The following NOTCH2 variants were observed in gnomAD, a reference collection of about 807,000 sequenced individuals.
NOTCH2 encodes the protein notch receptor 2.
Under a neutral mutation model 235.8 loss-of-function variants are expected in NOTCH2, and 29 were observed. The ratio of observed to expected loss-of-function variants is 0.12; its 90% CI spans 0.09 to 0.17. The LOEUF is 0.17. Ranked by LOEUF, NOTCH2 falls within the 10% of genes least tolerant of loss-of-function variation. The pLI is 1.00. For synonymous variants in NOTCH2, 1,086 were observed against 1,141.5 expected (o/e 0.95, Z 0.98); for missense variants, 2,285 against 3,150.2 (o/e 0.73, Z 6.57).
chr1:119,941,005 T>G (rs1228591785), intron 18 of NOTCH2, among the ~76,000 whole-genome samples: 1 of 152,254 alleles, frequency 6.6e-6, no homozygotes, highest in Non-Finnish European at 1.5e-5. Context: ...AATGAAGTTT[T>G]CTAGGTTTTA....
At chr1:119,983,194 G>T (rs1055856143) in intron 5 of NOTCH2, among the ~76,000 whole-genome samples, 4 of 151,496 alleles carry the variant, frequency 2.6e-5, no homozygotes, top group Admixed American at 2.6e-4. Context: ...TTTTCCATAT[G>T]AAGTTCTTTT....
Position 119,996,977 on chromosome 1 carries a change from G to C in NOTCH2, c.751+20C>G, listed in dbSNP as rs782191666. The C allele has an allele frequency of 2.2e-5, 36 of 1,610,080 alleles. No individual in the cohort carries two copies. Among genetic ancestry groups the C allele is most frequent in the Non-Finnish European group, 3.1e-5 (36 of 1,176,884 alleles). On this transcript the variant is annotated intron_variant, in intron 4 of 33. Transcript: ENST00000256646. The stretch of plus-strand genomic sequence containing the variant: ...CTAGGGGTTTGTCCCCTAATCCTGG[G>C]ACACTAGGGAGCTCCTTACCTGGAA...
At chr1:119,936,015 T>C (rs1485176735) in intron 21 of NOTCH2, among the ~76,000 whole-genome samples, 1 of 152,180 alleles carries the variant, frequency 6.6e-6, no homozygotes, top group East Asian at 1.9e-4. Context: ...CATGCAATTA[T>C]TGATCTCCAG....
rs141855931 is a variant in NOTCH2, at chr1:119,930,703, C to T, written c.3656-1491G>A. 1.2e-3 allele frequency among the ~76,000 whole-genome samples: 186 copies of T among 150,590 alleles called. 2 individuals are homozygous for T. In the East Asian group the frequency reaches 0.028, roughly 23 times the overall value. On this transcript the variant is annotated intron_variant, in intron 22 of 33. Transcript: ENST00000256646. ...CTGAGGCAGGAGAATCACTTGAAAC[C>T]GGGAGATGAAGCTTGCAGTGAGCCG...
At chr1:119,923,599 AT>A (rs1270503349) in intron 26 of NOTCH2, 37 bp downstream of exon 26, 13 of 1,559,878 alleles carry the variant, frequency 8.3e-6, no homozygotes, top group African/African-American at 2.7e-5. Context: ...GCTAGGCTTC[AT>A]AAAATTAGCC....
chr1:119,965,438 T>G lies in NOTCH2; in HGVS notation c.1681+15A>C. Reference sequence around the variant, plus strand: ...ATGGACCTACCAAGGAGATGAAAAGTGAGAAGAATCTTACCTGTGGCACAC... The same window carrying G: ...ATGGACCTACCAAGGAGATGAAAAGGGAGAAGAATCTTACCTGTGGCACAC... On this transcript the variant is annotated intron_variant, in intron 10 of 33. Transcript: ENST00000256646. 7 of 1,593,028 alleles carry G rather than the reference T, an allele frequency of 4.4e-6. No individual in the cohort carries two copies. The highest frequency in any genetic ancestry group is 6.0e-6 in the Non-Finnish European group (7 of 1,160,826).
intron 5 of NOTCH2, among the ~76,000 whole-genome samples, chr1:119,986,594 G>A (rs1352326311): frequency 6.6e-6 from 1 of 152,142 alleles, no homozygotes; most frequent in Non-Finnish European, 1.5e-5. Flanking sequence ...ATTTATTTTA[G>A]CATTTCAGGA....
Position 119,926,553 on chromosome 1 carries a change from C to T in NOTCH2, c.3951G>A (p.Gly1317=). 1 of 1,609,922 alleles carries T rather than the reference C, an allele frequency of 6.2e-7. No individual in the cohort carries two copies. The highest frequency in any genetic ancestry group is 8.5e-7 in the Non-Finnish European group (1 of 1,177,850). ...GCATGTTACTGGCCACAGCACAAGT[C>T]CCTCCATTCAGGCAGGGCATCTGGG... ...VCPQMPCLNG[G]TCAVASNMPD... Residue 1317 remains glycine, a synonymous_variant, in exon 24 of 34, where the codon GGG becomes GGA. Coordinates refer to ENST00000256646, the MANE Select transcript of NOTCH2 (RefSeq NM_024408.4).
intron 1 of NOTCH2, among the ~76,000 whole-genome samples, chr1:120,038,478 A>AGATAAGTAGATATCTAC: frequency 7.6e-6 from 1 of 131,936 alleles, no homozygotes; most frequent in Non-Finnish European, 1.5e-5. Flanking sequence ...AAGTAGATGT[A>AGATAAGTAGATATCTAC]TTATAAGTGC....
At position 119,923,827 on chromosome 1, in the gene NOTCH2, G is replaced by T. The variant is rs754438664; in HGVS notation, c.4669C>A (p.Gln1557Lys). 9 of 1,614,056 alleles carry T rather than the reference G, an allele frequency of 5.6e-6. No homozygotes were observed. The highest frequency in any genetic ancestry group is 7.6e-6 in the Non-Finnish European group (9 of 1,180,056). Residue 1557 changes from glutamine to lysine, a missense_variant, in exon 26 of 34, where the codon CAA becomes AAA. Coordinates refer to ENST00000256646, the MANE Select transcript of NOTCH2 (RefSeq NM_024408.4). ...AAGCTGCGAGCATCCTGGAGCAGTT[G>T]TTCAGGTGGCATCAATACCACAATA... ...LVIVVLMPPE[Q>K]LLQDARSFLR...
chr1:119,916,224 G>A lies in NOTCH2; in HGVS notation c.6498C>T (p.Ser2166=), dbSNP rs763659337. The A allele has an allele frequency of 1.9e-6, 3 of 1,614,238 alleles. No homozygotes were observed. In the South Asian group the frequency reaches 3.3e-5, roughly 18 times the overall value. ...TCCCAGGGGATGTAATCATTGGAGA[G>A]GATGTGGTGTCGGAAACATACGTGT... The part of the protein sequence containing the change: ...SPHTYVSDTT[S]SPMITSPGIL... The change falls in exon 34 of 34, where the codon TCC becomes TCT. Residue 2166 remains serine (S), a synonymous_variant. Coordinates refer to ENST00000256646, the MANE Select transcript of NOTCH2 (RefSeq NM_024408.4).
intron 30 of NOTCH2, among the ~76,000 whole-genome samples, 181 bp from the exon 31 acceptor site, chr1:119,919,794 A>T (rs927677289): frequency 6.6e-6 from 1 of 152,188 alleles, no homozygotes; most frequent in Non-Finnish European, 1.5e-5. Flanking sequence ...CATTTCTGTA[A>T]AGAATAATGG....
At chr1:119,925,161 C>T (rs1285645270) in intron 25 of NOTCH2, 144 bp downstream of exon 25, 3 of 959,140 alleles carry the variant, frequency 3.1e-6, no homozygotes, top group Non-Finnish European at 1.7e-6. Context: ...GAGCACAGGG[C>T]AGTGTGCGAT....
intron 2 of NOTCH2, among the ~76,000 whole-genome samples, chr1:120,009,708 T>C (rs1653108983): frequency 6.7e-6 from 1 of 149,366 alleles, no homozygotes; most frequent in Non-Finnish European, 1.5e-5. Flanking sequence ...ATAGGGAGAA[T>C]TGCTAACCAC....
At chr1:119,957,629 C>G (rs1395754452) in intron 12 of NOTCH2, among the ~76,000 whole-genome samples, 1 of 152,172 alleles carries the variant, frequency 6.6e-6, no homozygotes, top group Non-Finnish European at 1.5e-5. Context: ...GCAACAGTTC[C>G]ATGAACAGGG....
chr1:119,963,083 G>A (rs782663898), intron 11 of NOTCH2, among the ~76,000 whole-genome samples: 1 of 151,844 alleles, frequency 6.6e-6, no homozygotes. Flanking sequence ...GGCCCCACCA[G>A]AGACAAGTGA....
At position 119,969,753 on chromosome 1, in the gene NOTCH2, G is replaced by C. The variant is rs1324363153; in HGVS notation, c.875-9C>G. On this transcript the variant is annotated splice_polypyrimidine_tract_variant and intron_variant, in intron 5 of 33. Transcript: ENST00000256646. ...CTCTGTGCAGAACTGTCCTTTTAGG[G>C]GGAAATTACTTTTGATTAGGGCTCT... 15 of 1,612,654 alleles carry C rather than the reference G, an allele frequency of 9.3e-6. No individual in the cohort carries two copies. The African/African-American group carries it at 2.0e-4, about 22-fold the overall frequency.
rs1177540134 is a variant in NOTCH2 at position 119,929,364 on chromosome 1, C to T, written c.3656-152G>A. ...TTGTAGTTGGGCAGGGCAAAGCACA[C>T]TCTTTATTCATGACAGCTGTCATCC... is the stretch of plus-strand genomic sequence containing the variant. On this transcript the variant is annotated intron_variant, in intron 22 of 33. Transcript: ENST00000256646. 6 of 705,958 alleles carry T rather than the reference C, an allele frequency of 8.5e-6. No individual in the cohort carries two copies. In the East Asian group the frequency reaches 1.3e-4, roughly 16 times the overall value. The allele number at this position is 705,958 out of a possible 1,614,324, so 43.7% of individuals were successfully genotyped here. A position where few individuals can be genotyped will look rare whatever the true frequency, so the allele number is the denominator to read the frequency against.
At chr1:119,937,811 G>A (rs2101099753) in intron 20 of NOTCH2, 46 bp downstream of exon 20, 8 of 1,608,564 alleles carry the variant, frequency 5.0e-6, no homozygotes, top group Non-Finnish European at 6.8e-6. Context: ...CCACTGGACA[G>A]TCAATACTGC....
Sources: gnomAD v4.1 joint callset for allele counts (sites outside exome capture counted in the v4.1 genomes callset) on GRCh38, gnomAD v4.1.1 for gene constraint, MANE v1.5 for transcripts, NCBI Gene and HGNC (gene_info 2026-07-23, HGNC 2026-07-21) for gene names.